SNRK: variants seen among roughly 807,000 people sequenced by gnomAD.
SNRK encodes the protein SNF related kinase, also known as SNF-related serine/threonine-protein kinase.
A neutral mutation model predicts 48.2 loss-of-function variants in SNRK; 3 were observed. The observed-to-expected ratio is 0.06, with a 90% CI of 0.03 to 0.16. SNRK has a LOEUF of 0.16. Ranked by LOEUF, SNRK falls within the 10% of genes least tolerant of loss-of-function variation. SNRK has a pLI of 1.00. For missense variants in SNRK, 627 were observed against 976.0 expected, an observed-to-expected ratio of 0.64 and a Z score of 4.76; for synonymous variants, 376 against 366.1, an observed-to-expected ratio of 1.03 and a Z score of -0.31.
At position 43,303,758 on chromosome 3, in the gene SNRK, T is replaced by C. The variant is rs770101164; in HGVS notation, c.555T>C (p.Ile185=). Residue 185 remains isoleucine (I), a synonymous_variant, in exon 3 of 7, where the codon ATT becomes ATC. Transcript: ENST00000296088. The surrounding 1 kb of genome is among the most constrained non-coding windows in gnomAD (Gnocchi z 6.2). ...CGSLAYSAPE[I]LLGDEYDAPA... Reference sequence around the variant, plus strand: ...CTCTTGCATATTCCGCTCCAGAAATTCTGCTTGGTGATGAGTATGATGCAC... The same window carrying C: ...CTCTTGCATATTCCGCTCCAGAAATCCTGCTTGGTGATGAGTATGATGCAC... 31 of 1,613,726 alleles carry C rather than the reference T, an allele frequency of 1.9e-5. No individual in the cohort carries two copies. Among genetic ancestry groups the C allele is most frequent in the Non-Finnish European group, 2.5e-5 (30 of 1,179,948 alleles).
intron 1 of SNRK, among the ~76,000 whole-genome samples, chr3:43,293,771 T>C (rs1397013576): frequency 6.6e-6 from 1 of 151,922 alleles, no homozygotes. Context: ...AAATTAAAAT[T>C]AGCTGGGTGT....
At position 43,303,089 on chromosome 3, in the gene SNRK, A is replaced by C; in HGVS notation, c.-106-9A>C. On this transcript the variant is annotated splice_polypyrimidine_tract_variant and intron_variant, in intron 2 of 6. Transcript: ENST00000296088. The surrounding 1 kb of genome is among the most constrained non-coding windows in gnomAD (Gnocchi z 6.2). ...GAAACTTAATTTTGTTTCTCTTCTT[A>C]TTTTGTAGATATCCATGACGACATT... 1 of 635,736 alleles carries C rather than the reference A, an allele frequency of 1.6e-6. No homozygotes were observed. The highest frequency in any genetic ancestry group is 3.0e-5 in the East Asian group (1 of 33,818). The allele number at this position is 635,736 out of a possible 1,614,324, so 39.4% of individuals were successfully genotyped here.
intron 6 of SNRK, among the ~76,000 whole-genome samples, chr3:43,345,236 G>C (rs1273905369): frequency 6.6e-6 from 1 of 152,238 alleles, no homozygotes; most frequent in African/African-American, 2.4e-5. Flanking sequence ...AGTGTCTCCT[G>C]ACTTGCCTTC....
intron 4 of SNRK, among the ~76,000 whole-genome samples, chr3:43,333,712 T>A (rs1183016696): frequency 1.3e-5 from 2 of 152,182 alleles, no homozygotes; most frequent in African/African-American, 4.8e-5. Context: ...ATTTTTATAT[T>A]GATATATATA....
intron 1 of SNRK, among the ~76,000 whole-genome samples, chr3:43,296,436 A>ATATATATATATATATG (rs1559458600): frequency 1.4e-5 from 2 of 145,450 alleles, no homozygotes; most frequent in Non-Finnish European, 1.5e-5. Flanking sequence ...ATATATATGT[A>ATATATATATATATATG]TATATATATA....
intron 6 of SNRK, among the ~76,000 whole-genome samples, chr3:43,345,803 GT>G (rs1398919566): frequency 6.6e-6 from 1 of 152,152 alleles, no homozygotes; most frequent in Non-Finnish European, 1.5e-5. Flanking sequence ...GTAGCTTAAG[GT>G]TTCTTAAATT....
chr3:43,291,606 C>CT (rs2090813154), intron 1 of SNRK, among the ~76,000 whole-genome samples: 1 of 152,198 alleles, frequency 6.6e-6, no homozygotes, highest in Non-Finnish European at 1.5e-5. Context: ...TCCCATTTAA[C>CT]TTTCACAATA....
At chr3:43,321,703 C>A (rs1319873503) in intron 3 of SNRK, among the ~76,000 whole-genome samples, 1 of 152,184 alleles carries the variant, frequency 6.6e-6, no homozygotes, top group Admixed American at 6.5e-5. Context: ...ACTTAAAAAA[C>A]ACGGTGTGCG....
intron 3 of SNRK, among the ~76,000 whole-genome samples, chr3:43,327,029 A>G (rs183967860): frequency 6.6e-6 from 1 of 152,272 alleles, no homozygotes; most frequent in African/African-American, 2.4e-5. Flanking sequence ...CTTCTTTCGT[A>G]TGCTGTTAGT....
rs1267081451 is a variant in SNRK at position 43,348,151 on chromosome 3, A to G, written c.1892A>G (p.Asn631Ser). 1 of 1,580,864 alleles carries G rather than the reference A, an allele frequency of 6.3e-7. No individual in the cohort carries two copies. The highest frequency in any genetic ancestry group is 8.6e-7 in the Non-Finnish European group (1 of 1,164,608). The change falls in exon 7 of 7, where the codon AAC becomes AGC. Residue 631 changes from asparagine (N) to serine (S), a missense_variant. Transcript: ENST00000296088. ...ACACGCCGCTGTGCCGGCCCCAGCAACTCCATGCAGCTGGCCTCTCGCAGT... is the reference window on the plus strand; with the variant it reads ...ACACGCCGCTGTGCCGGCCCCAGCAGCTCCATGCAGCTGGCCTCTCGCAGT... ...GTTRRCAGPSNSMQLASRSAG... is the reference protein window; with the variant it reads ...GTTRRCAGPSSSMQLASRSAG...
intron 1 of SNRK, among the ~76,000 whole-genome samples, chr3:43,294,908 C>T (rs180854355): frequency 6.6e-6 from 1 of 152,160 alleles, no homozygotes; most frequent in Non-Finnish European, 1.5e-5. Context: ...TTCTGTTTTC[C>T]TGGGCACAAT....
chr3:43,296,030 G>A (rs145826979), intron 1 of SNRK, among the ~76,000 whole-genome samples: 4,648 of 152,200 alleles, frequency 0.031, 134 homozygotes, highest in Middle Eastern at 0.051. Context: ...GAGCCACCAC[G>A]CCTGGCCAAA....
At chr3:43,325,495 G>A (rs997908320) in intron 3 of SNRK, among the ~76,000 whole-genome samples, 1 of 152,036 alleles carries the variant, frequency 6.6e-6, no homozygotes, top group African/African-American at 2.4e-5. Flanking sequence ...ATCAACTTAA[G>A]AAAACATCAA....
chr3:43,301,697 A>G (rs1264004622), intron 2 of SNRK, among the ~76,000 whole-genome samples: 4 of 152,238 alleles, frequency 2.6e-5, no homozygotes, highest in Admixed American at 2.0e-4. Flanking sequence ...AGTGGACTCA[A>G]TAATTAATGC....
chr3:43,325,298 T>C (rs2091087350), intron 3 of SNRK, among the ~76,000 whole-genome samples: 1 of 152,198 alleles, frequency 6.6e-6, no homozygotes, highest in Non-Finnish European at 1.5e-5. Flanking sequence ...CCTGAGTAGC[T>C]GGGATTATAG....
chr3:43,341,617 C>T (rs1479584685), intron 5 of SNRK, among the ~76,000 whole-genome samples: 1 of 152,134 alleles, frequency 6.6e-6, no homozygotes, highest in Non-Finnish European at 1.5e-5. Flanking sequence ...TTGAATGAAA[C>T]AGTTGGGTAT....
chr3:43,306,112 C>T (rs1023267417), intron 3 of SNRK, among the ~76,000 whole-genome samples: 2 of 151,946 alleles, frequency 1.3e-5, no homozygotes, highest in East Asian at 1.9e-4. Context: ...AAATGATTAC[C>T]GTGTGTTGGT....
intron 3 of SNRK, among the ~76,000 whole-genome samples, chr3:43,329,453 C>A (rs1340636871): frequency 1.3e-5 from 2 of 151,760 alleles, no homozygotes; most frequent in Non-Finnish European, 2.9e-5. Flanking sequence ...AAAAAAAAGT[C>A]TGGGAAATAA....
In SNRK at chr3:43,290,573, A is replaced by G. The variant is rs1223673146; in HGVS notation, c.-169+3898A>G. On this transcript the variant is annotated intron_variant, in intron 1 of 6. Transcript: ENST00000296088. ...TCCTTATCATCACTGCCCATATACC[A>G]GCTGCCCTCATTTTTAAGTCTTTAA... is the stretch of plus-strand genomic sequence containing the variant. Among the ~76,000 whole-genome samples, 17 of 152,268 alleles carry G rather than the reference A, an allele frequency of 1.1e-4. No homozygotes were observed. In the East Asian group the frequency reaches 3.1e-3, roughly 28 times the overall value.
Sources: allele counts gnomAD v4.1 joint callset (sites outside exome capture counted in the v4.1 genomes callset), GRCh38; gene constraint gnomAD v4.1.1; non-coding constraint Gnocchi (gnomAD v3.1); transcripts MANE v1.5; gene names NCBI Gene and HGNC (gene_info 2026-07-23, HGNC 2026-07-21).